FRY: variants seen among roughly 807,000 people sequenced by gnomAD.
FRY encodes the protein protein furry homolog.
In FRY, 128 loss-of-function variants were observed where a neutral mutation model predicts 348.4. The ratio of observed to expected loss-of-function variants is 0.37; its 90% CI spans 0.32 to 0.43. FRY has a LOEUF of 0.43. FRY is among the 20% of genes least tolerant of loss of function. The pLI is 1.00. For missense variants in FRY, 2,736 were observed against 3,695.2 expected, an observed-to-expected ratio of 0.74 and a Z score of 6.73; for synonymous variants, 1,370 against 1,374.7, an observed-to-expected ratio of 1.00 and a Z score of 0.08.
intron 31 of FRY, among the ~76,000 whole-genome samples, chr13:32,206,314 CAT>C (rs1188152062): frequency 5.3e-5 from 8 of 152,094 alleles, no homozygotes; most frequent in Non-Finnish European, 1.5e-5. Flanking sequence ...TTCATGGAAA[CAT>C]AAAGGAAAAA....
rs763836292 is a variant in FRY at position 32,178,933 on chromosome 13, G to A, written c.2771G>A (p.Gly924Glu). 39 of 1,612,316 alleles carry A rather than the reference G, an allele frequency of 2.4e-5. No individual in the cohort carries two copies. The highest frequency in any genetic ancestry group is 2.9e-5 in the Non-Finnish European group (34 of 1,178,530). ...LWRNYLILCF[G>E]VAKPSIMSPG... ...AGAAATTACCTAATTCTTTGTTTTG[G>A]AGTTGCAAAACCCAGTATTATGAGC... Residue 924 changes from glycine to glutamate, a missense_variant, in exon 22 of 61, where the codon GGA becomes GAA. By Grantham distance (98) the Gly-to-Glu change is moderately conservative. Transcript: ENST00000542859.
At chr13:32,276,984 T>G (rs1263888455) in intron 57 of FRY, among the ~76,000 whole-genome samples, 5 of 152,234 alleles carry the variant, frequency 3.3e-5, no homozygotes, top group Non-Finnish European at 7.3e-5. Flanking sequence ...AGGGCTTCTC[T>G]TGGCCTCAGC....
At chr13:32,063,393 T>A (rs1255998333) in intron 1 of FRY, among the ~76,000 whole-genome samples, 2 of 152,214 alleles carry the variant, frequency 1.3e-5, no homozygotes, top group African/African-American at 2.4e-5. Flanking sequence ...CTCAGTCTAA[T>A]GCCCAGATAA....
intron 28 of FRY, among the ~76,000 whole-genome samples, 167 bp downstream of exon 28, chr13:32,187,823 G>T: frequency 6.6e-6 from 1 of 152,078 alleles, no homozygotes. Flanking sequence ...AGATAAAAAA[G>T]ATAGTAACAT....
chr13:32,141,759 A>T (rs1299190036), intron 11 of FRY, among the ~76,000 whole-genome samples: 1 of 152,224 alleles, frequency 6.6e-6, no homozygotes, highest in Admixed American at 6.5e-5. Flanking sequence ...TTAACTCTGA[A>T]TTGTTTTAAC....
At chr13:32,118,266 A>C (rs1027080788) in intron 4 of FRY, among the ~76,000 whole-genome samples, 1 of 152,158 alleles carries the variant, frequency 6.6e-6, no homozygotes, top group Non-Finnish European at 1.5e-5. Context: ...TTTAAAAAGT[A>C]GTTAGATTTC....
intron 1 of FRY, among the ~76,000 whole-genome samples, chr13:32,063,013 T>C (rs1181708954): frequency 6.6e-6 from 1 of 152,146 alleles, no homozygotes; most frequent in East Asian, 1.9e-4. Flanking sequence ...TACTTGTGTA[T>C]AGGTATATAA....
chr13:32,224,517 G>A, intron 37 of FRY, 132 bp downstream of exon 37: 1 of 797,154 alleles, frequency 1.3e-6, no homozygotes, highest in South Asian at 1.8e-5. Flanking sequence ...TGCCTGATTT[G>A]ACTGTCAGCT....
chr13:32,249,406 T>C (rs540116493), intron 48 of FRY, 120 bp from the exon 49 acceptor site: 2 of 1,078,168 alleles, frequency 1.9e-6, no homozygotes, highest in South Asian at 1.4e-5. Flanking sequence ...CTTGTAACAC[T>C]GAACTTCTCT....
At chr13:32,097,962 T>G (rs951312570) in intron 2 of FRY, among the ~76,000 whole-genome samples, 10 of 145,830 alleles carry the variant, frequency 6.9e-5, no homozygotes, top group Admixed American at 5.6e-4. Flanking sequence ...AATTTAAAAC[T>G]TAAAACAAGA....
chr13:32,201,324 AC>A (rs1311390200), intron 29 of FRY, among the ~76,000 whole-genome samples: 2 of 151,848 alleles, frequency 1.3e-5, no homozygotes, highest in Non-Finnish European at 2.9e-5. Flanking sequence ...AGACTTCTCT[AC>A]CCCCCATCTA....
At chr13:32,212,512 C>T (rs1884744937) in intron 35 of FRY, 130 bp downstream of exon 35, 1 of 674,956 alleles carries the variant, frequency 1.5e-6, no homozygotes. Context: ...TTTTTAGAAA[C>T]TCAGACTTAC....
intron 17 of FRY, 84 bp from the exon 18 acceptor site, chr13:32,170,928 A>G: frequency 1.0e-6 from 1 of 988,568 alleles, no homozygotes; most frequent in South Asian, 1.3e-5. Flanking sequence ...GAAGAGATAT[A>G]CATTAATATC....
rs192138769 is a variant in FRY at position 32,096,987 on chromosome 13, G to A, written c.271-4976G>A. 6.4e-4 allele frequency among the ~76,000 whole-genome samples: 97 copies of A among 152,110 alleles called. No individual in the cohort carries two copies. In the Middle Eastern group the frequency reaches 0.01, roughly 16 times the overall value. ...TTTGCTTATTGGAGAAAGTGAGCCTGACAATATGTTGTTTCCTTCATATGT... is the reference window on the plus strand; with the variant it reads ...TTTGCTTATTGGAGAAAGTGAGCCTAACAATATGTTGTTTCCTTCATATGT... On this transcript the variant is annotated intron_variant, in intron 2 of 60. Coordinates refer to ENST00000542859, the MANE Select transcript of FRY (RefSeq NM_023037.3).
Position 32,247,450 on chromosome 13 carries a change from C to T in FRY, c.6956C>T (p.Ala2319Val). Residue 2319 changes from alanine (A) to valine (V), a missense_variant, in exon 48 of 61, where the codon GCT (alanine) becomes GTT (valine). This residue lies in a region of FRY where 789 missense variants were observed against 996.2 expected (regional missense o/e 0.79). Coordinates refer to ENST00000542859, the MANE Select transcript of FRY (RefSeq NM_023037.3). ...KIEIHRVWTS[A>V]SKELPGKTLD... ...GAAATACATCGAGTGTGGACTAGTG[C>T]TTCCAAGGAATTACCTGGGAAAACC... The T allele has an allele frequency of 1.2e-6, 2 of 1,613,230 alleles. No individual in the cohort carries two copies. Among genetic ancestry groups the T allele is most frequent in the Non-Finnish European group, 1.7e-6 (2 of 1,179,202 alleles).
chr13:32,268,714 G>A (rs781719439), intron 55 of FRY, among the ~76,000 whole-genome samples: 18 of 150,450 alleles, frequency 1.2e-4, no homozygotes, highest in Non-Finnish European at 2.2e-4. Context: ...TTGTTCTGTC[G>A]CCCATGCTGG....
chr13:32,283,167 C>T (rs555221803), intron 58 of FRY, among the ~76,000 whole-genome samples: 4 of 151,286 alleles, frequency 2.6e-5, no homozygotes, highest in African/African-American at 4.8e-5. Flanking sequence ...ACAACAACAA[C>T]GAAAAAAACT....
intron 58 of FRY, among the ~76,000 whole-genome samples, chr13:32,279,792 A>G (rs1888723348): frequency 6.6e-6 from 1 of 152,230 alleles, no homozygotes; most frequent in African/African-American, 2.4e-5. Context: ...GAACATTTTC[A>G]ACCAAACACC....
chr13:32,212,356 C>G lies in FRY; in HGVS notation c.4656C>G (p.Asn1552Lys). 6.2e-7 allele frequency: 1 copy of G among 1,605,754 alleles called. No homozygotes were observed. Among genetic ancestry groups the G allele is most frequent in the Non-Finnish European group, 8.5e-7 (1 of 1,173,576 alleles). ...GQENFPDAEE[N>K]KILKESDERF... Reference sequence around the variant, plus strand: ...AAAATTTCCCAGATGCTGAGGAGAACAAGATATTGAAAGAATCTGATGAAA... The same window carrying G: ...AAAATTTCCCAGATGCTGAGGAGAAGAAGATATTGAAAGAATCTGATGAAA... The change falls in exon 35 of 61, where the codon AAC (asparagine) becomes AAG (lysine). Residue 1552 changes from asparagine to lysine, a missense_variant. Coordinates refer to ENST00000542859, the MANE Select transcript of FRY (RefSeq NM_023037.3).
Sources: allele counts gnomAD v4.1 joint callset (sites outside exome capture counted in the v4.1 genomes callset), GRCh38; gene constraint gnomAD v4.1.1; regional missense constraint gnomAD v4.1.1; transcripts MANE v1.5; gene names NCBI Gene and HGNC (gene_info 2026-07-23, HGNC 2026-07-21).